The following KCND3 variants were observed in gnomAD, a reference collection of about 807,000 sequenced individuals.
KCND3 encodes potassium voltage-gated channel subfamily D member 3, also known as A-type voltage-gated potassium channel KCND3.
Under a neutral mutation model 51.1 loss-of-function variants are expected in KCND3, and 9 were observed. The observed-to-expected ratio is 0.18, with a 90% CI of 0.11 to 0.31. The LOEUF (loss-of-function observed/expected upper bound fraction) is 0.31, where lower values mean the gene tolerates loss of function less well. Among genes scored for constraint, KCND3 ranks in the 10% least tolerant of loss-of-function variants. The pLI, the probability that KCND3 is intolerant of heterozygous loss-of-function variation, is 1.00. For synonymous variants in KCND3, 349 were observed against 368.0 expected (o/e 0.95, Z 0.59); for missense variants, 526 against 903.8 (o/e 0.58, Z 5.36).
chr1:111,839,973 C>G (rs1278125952), intron 2 of KCND3, among the ~76,000 whole-genome samples: 1 of 152,204 alleles, frequency 6.6e-6, no homozygotes, highest in African/African-American at 2.4e-5. Context: ...GGATTATAAA[C>G]AACAAACATT....
chr1:111,898,230 C>CCTTA (rs34616797), intron 2 of KCND3, among the ~76,000 whole-genome samples: 34,367 of 151,884 alleles, frequency 0.23, 4,901 homozygotes, highest in African/African-American at 0.4. Context: ...TTAGCTCTTA[C>CCTTA]CTTAGCCTTT....
intron 2 of KCND3, among the ~76,000 whole-genome samples, chr1:111,956,565 C>T (rs533466819): frequency 1.3e-5 from 2 of 152,282 alleles, no homozygotes; most frequent in Admixed American, 1.3e-4. Context: ...CCTGGGCTCT[C>T]GAGTCCCACT....
intron 2 of KCND3, among the ~76,000 whole-genome samples, chr1:111,855,501 T>C (rs1571746476): frequency 1.3e-5 from 2 of 152,182 alleles, no homozygotes; most frequent in Non-Finnish European, 2.9e-5. Context: ...AATGACCACA[T>C]ACCAGCCTGG....
chr1:111,803,486 G>C (rs1458197453), intron 2 of KCND3, among the ~76,000 whole-genome samples: 1 of 152,136 alleles, frequency 6.6e-6, no homozygotes, highest in Non-Finnish European at 1.5e-5. Flanking sequence ...GTGTGTGTTT[G>C]TGTAAAATTC....
At chr1:111,934,128 T>G (rs1571869300) in intron 2 of KCND3, among the ~76,000 whole-genome samples, 1 of 152,210 alleles carries the variant, frequency 6.6e-6, no homozygotes, top group Middle Eastern at 3.4e-3. Context: ...TGGTTCTGGG[T>G]AGGTCACTCC....
chr1:111,780,089 AG>A lies in KCND3; in HGVS notation c.1461+135del. ...CCTCAGGGTCTTCCACCTGAGGGCC[AG>A]TAGATCCCATCACTACCTTTTGGAT... On this transcript the variant is annotated intron_variant, in intron 5 of 7. Coordinates refer to ENST00000302127, the MANE Select transcript of KCND3 (RefSeq NM_001378969.1). The surrounding 1 kb of genome is among the most constrained non-coding windows in gnomAD (Gnocchi z 4.2). The A allele has an allele frequency of 3.1e-6, 3 of 971,212 alleles. No individual in the cohort carries two copies. Among genetic ancestry groups the A allele is most frequent in the Non-Finnish European group, 4.8e-6 (3 of 622,924 alleles). The allele number at this position is 971,212 out of a possible 1,614,324, so 60.2% of individuals were successfully genotyped here.
chr1:111,839,370 A>C (rs976256139), intron 2 of KCND3, among the ~76,000 whole-genome samples: 1 of 152,246 alleles, frequency 6.6e-6, no homozygotes, highest in Non-Finnish European at 1.5e-5. Flanking sequence ...CCAGAGGCCC[A>C]GTTCTCCACA....
chr1:111,918,784 G>A (rs970799748), intron 2 of KCND3, among the ~76,000 whole-genome samples: 3 of 152,148 alleles, frequency 2.0e-5, no homozygotes, highest in Non-Finnish European at 2.9e-5. Context: ...GGAATGATGA[G>A]CCAGGAAGTA....
intron 2 of KCND3, among the ~76,000 whole-genome samples, chr1:111,886,985 A>C (rs1405765767): frequency 6.6e-6 from 1 of 152,148 alleles, no homozygotes; most frequent in African/African-American, 2.4e-5. Flanking sequence ...TGCTTACCAC[A>C]CTGTAGTCCT....
chr1:111,965,064 C>T (rs998433253), intron 2 of KCND3, among the ~76,000 whole-genome samples: 1 of 151,410 alleles, frequency 6.6e-6, no homozygotes, highest in Non-Finnish European at 1.5e-5. Context: ...TTGCTGCACC[C>T]CCCCAAACTG....
intron 2 of KCND3, among the ~76,000 whole-genome samples, chr1:111,800,596 G>A (rs1018542794): frequency 2.6e-5 from 4 of 151,942 alleles, no homozygotes; most frequent in African/African-American, 7.3e-5. Context: ...GTTATTTGTG[G>A]TGATGCTTCC....
At chr1:111,939,249 C>CT (rs935459484) in intron 2 of KCND3, among the ~76,000 whole-genome samples, 6 of 152,072 alleles carry the variant, frequency 3.9e-5, no homozygotes, top group African/African-American at 1.4e-4. Context: ...TTTTAGTATA[C>CT]TTTAAGTTTT....
intron 2 of KCND3, among the ~76,000 whole-genome samples, chr1:111,834,439 G>A (rs1666983886): frequency 6.6e-6 from 1 of 152,144 alleles, no homozygotes; most frequent in Admixed American, 6.6e-5. Context: ...ATTTGTCTCA[G>A]TTCCTTCTGG....
At chr1:111,891,530 G>A (rs984252296) in intron 2 of KCND3, among the ~76,000 whole-genome samples, 1 of 152,100 alleles carries the variant, frequency 6.6e-6, no homozygotes, top group Non-Finnish European at 1.5e-5. Flanking sequence ...CTCAGCTCCC[G>A]AAGGGCATCC....
intron 2 of KCND3, among the ~76,000 whole-genome samples, chr1:111,863,740 T>G (rs1381694662): frequency 6.6e-6 from 1 of 152,178 alleles, no homozygotes; most frequent in Non-Finnish European, 1.5e-5. Flanking sequence ...TTAAGCAGGA[T>G]AGCAACATAA....
At chr1:111,941,161 C>T (rs901984704) in intron 2 of KCND3, among the ~76,000 whole-genome samples, 1 of 152,108 alleles carries the variant, frequency 6.6e-6, no homozygotes, top group Non-Finnish European at 1.5e-5. Context: ...AGCAGGGCCT[C>T]TGCAGAGCTG....
chr1:111,850,566 T>C (rs546735164), intron 2 of KCND3, among the ~76,000 whole-genome samples: 15 of 152,330 alleles, frequency 9.8e-5, no homozygotes, highest in South Asian at 4.1e-4. Context: ...CCCTGGGTCA[T>C]AGCCTGGGCG....
At chr1:111,965,488 A>ACACACACACACACG (rs1557752929) in intron 2 of KCND3, among the ~76,000 whole-genome samples, 1 of 149,044 alleles carries the variant, frequency 6.7e-6, no homozygotes, top group East Asian at 2.0e-4. Flanking sequence ...ACACACACAC[A>ACACACACACACACG]CGCCAGGAGC....
At chr1:111,803,333 A>G (rs953964379) in intron 2 of KCND3, among the ~76,000 whole-genome samples, 2 of 152,138 alleles carry the variant, frequency 1.3e-5, no homozygotes, top group East Asian at 1.9e-4. Context: ...TTATAAGTAC[A>G]TGGATGCTTC....
Sources: gnomAD v4.1 joint callset for allele counts (sites outside exome capture counted in the v4.1 genomes callset) on GRCh38, gnomAD v4.1.1 for gene constraint, Gnocchi (gnomAD v3.1) non-coding constraint, MANE v1.5 for transcripts, NCBI Gene and HGNC (gene_info 2026-07-23, HGNC 2026-07-21) for gene names.